APC: variants seen among roughly 807,000 people sequenced by gnomAD.
APC encodes APC regulator of Wnt signaling pathway.
APC carries 72 observed loss-of-function variants against 247.0 expected under a neutral mutation model. That is an observed-to-expected ratio of 0.29 (90% confidence interval 0.24 to 0.35). The LOEUF (loss-of-function observed/expected upper bound fraction) is 0.35. APC is among the 10% of genes least tolerant of loss of function. The probability of loss-of-function intolerance (pLI) is 1.00; values close to 1 mark genes in which losing one functional copy is unlikely to be tolerated. For missense variants in APC, 3,400 were observed against 3,360.7 expected, an observed-to-expected ratio of 1.01 and a Z score of -0.29; for synonymous variants, 1,254 against 1,162.5, an observed-to-expected ratio of 1.08 and a Z score of -1.60.
At chr5:112,708,058 G>A (rs1165010071) in intron 1 of APC, among the ~76,000 whole-genome samples, 1 of 152,164 alleles carries the variant, frequency 6.6e-6, no homozygotes, top group Non-Finnish European at 1.5e-5. Context: ...CCCTGGCTTT[G>A]CAGGTCCTCC....
At chr5:112,792,811 C>G (rs1374728490) in intron 7 of APC, among the ~76,000 whole-genome samples, 8 of 152,056 alleles carry the variant, frequency 5.3e-5, no homozygotes. Context: ...TGGCTACTAT[C>G]CAGTAAGTAA....
intron 4 of APC, among the ~76,000 whole-genome samples, chr5:112,770,406 T>G (rs1756903845): frequency 6.6e-6 from 1 of 152,206 alleles, no homozygotes; most frequent in African/African-American, 2.4e-5. Context: ...ACATTTCTTT[T>G]TAAAAATATT....
At chr5:112,827,365 T>C in intron 12 of APC, 118 bp downstream of exon 12, 1 of 1,153,438 alleles carries the variant, frequency 8.7e-7, no homozygotes. Context: ...CAATGACTGA[T>C]AAAAACCTGT....
chr5:112,723,569 GA>G (rs1343268394), intron 1 of APC, among the ~76,000 whole-genome samples: 1 of 152,138 alleles, frequency 6.6e-6, no homozygotes, highest in African/African-American at 2.4e-5. Context: ...TGTGGGAGGG[GA>G]AAACATGAAG....
intron 1 of APC, among the ~76,000 whole-genome samples, chr5:112,715,838 A>G (rs1345609303): frequency 6.6e-6 from 1 of 152,160 alleles, no homozygotes; most frequent in Non-Finnish European, 1.5e-5. Context: ...AGCCTATTCA[A>G]GTATTCTATC....
At chr5:112,736,314 A>G (rs540793724), upstream of APC, among the ~76,000 whole-genome samples, 5 of 152,364 alleles carry the variant, frequency 3.3e-5, no homozygotes, top group South Asian at 6.2e-4. Context: ...GAACAGTAGT[A>G]TGCCATCAGT....
chr5:112,709,835 G>A (rs6895054), intron 1 of APC, among the ~76,000 whole-genome samples: 3,497 of 152,308 alleles, frequency 0.023, 137 homozygotes, highest in African/African-American at 0.08. Context: ...AGCCCGGGAT[G>A]TGGAGGTTGC....
rs6881681 is a variant in APC, at chr5:112,719,947, G to A, written c.165+12065G>A. 2.2e-3 allele frequency among the ~76,000 whole-genome samples: 332 copies of A among 152,146 alleles called. 3 individuals carry two copies. The highest frequency in any genetic ancestry group is 7.4e-3 in the African/African-American group (308 of 41,512). ...TTTTTACATCTCAAGGACAAAATACGATTTCAAAAATCTTACCCACATCTA... is the reference window on the plus strand; with the variant it reads ...TTTTTACATCTCAAGGACAAAATACAATTTCAAAAATCTTACCCACATCTA... On this transcript the variant is annotated intron_variant, in intron 1 of 13. Coordinates refer to the APC transcript ENST00000507379.
intron 7 of APC, among the ~76,000 whole-genome samples, chr5:112,801,032 T>G (rs1760756498): frequency 6.6e-6 from 1 of 152,194 alleles, no homozygotes; most frequent in South Asian, 2.1e-4. Flanking sequence ...GGCATTCCTG[T>G]GAGTCTCAGA....
Position 112,845,746 on chromosome 5 carries a change from A to G in APC, c.*1620A>G, listed in dbSNP as rs2150012858. On this transcript the variant is annotated 3_prime_UTR_variant, in exon 16 of 16. Coordinates refer to ENST00000257430, the MANE Select transcript of APC (RefSeq NM_000038.6). The stretch of plus-strand genomic sequence containing the variant: ...TAAACTGACACTTATTAACTAAGAT[A>G]ATTTACTTAATATATCTTCCCTGAT... 4.3e-6 allele frequency: 1 copy of G among 232,148 alleles called. No homozygotes were observed. Among genetic ancestry groups the G allele is most frequent in the South Asian group, 1.8e-4 (1 of 5,514 alleles). 14.4% of individuals were successfully genotyped at this position (232,148 alleles called of 1,614,324 possible).
intron 4 of APC, among the ~76,000 whole-genome samples, chr5:112,772,743 C>T (rs1209657395): frequency 6.6e-6 from 1 of 152,160 alleles, no homozygotes; most frequent in African/African-American, 2.4e-5. Context: ...TCTCGAACTC[C>T]TGACTTCAAG....
intron 8 of APC, among the ~76,000 whole-genome samples, chr5:112,811,564 A>G (rs1051793868): frequency 1.3e-5 from 2 of 152,200 alleles, no homozygotes; most frequent in Admixed American, 1.3e-4. Flanking sequence ...TTCTACTGAG[A>G]CAGATTGGTG....
chr5:112,836,220 G>A (rs1466427619), intron 15 of APC, among the ~76,000 whole-genome samples: 6 of 138,850 alleles, frequency 4.3e-5, no homozygotes, highest in South Asian at 4.6e-4. Flanking sequence ...TAGTAGAGAC[G>A]GGGCTTCACC....
intron 1 of APC, among the ~76,000 whole-genome samples, chr5:112,711,165 C>A (rs1451710212): frequency 6.6e-6 from 1 of 152,204 alleles, no homozygotes; most frequent in East Asian, 1.9e-4. Flanking sequence ...CAAGCATTAC[C>A]ACCTGAGCTC....
chr5:112,758,865 A>G (rs1755310587), intron 2 of APC, among the ~76,000 whole-genome samples: 1 of 152,198 alleles, frequency 6.6e-6, no homozygotes, highest in South Asian at 2.1e-4. Context: ...GGCCTCTCAA[A>G]GTACTGGAAT....
chr5:112,719,109 T>C (rs1751340765), intron 1 of APC, among the ~76,000 whole-genome samples: 1 of 152,222 alleles, frequency 6.6e-6, no homozygotes, highest in Admixed American at 6.5e-5. Flanking sequence ...GAAGTGGGAC[T>C]GTATGGAGGA....
chr5:112,758,256 GTA>G, intron 2 of APC, among the ~76,000 whole-genome samples: 2 of 152,282 alleles, frequency 1.3e-5, no homozygotes, highest in African/African-American at 4.8e-5. Context: ...AAAAAGTTGT[GTA>G]GTGTATTTTT....
intron 2 of APC, among the ~76,000 whole-genome samples, chr5:112,757,904 A>G (rs1034275961): frequency 2.6e-5 from 4 of 152,212 alleles, no homozygotes; most frequent in Non-Finnish European, 4.4e-5. Context: ...TTTATTTTTA[A>G]GTATAATGAT....
chr5:112,823,333 T>C (rs1448755092), intron 11 of APC: 1 of 152,658 alleles, frequency 6.6e-6, no homozygotes, highest in Admixed American at 6.5e-5. Context: ...GGGCATTTCA[T>C]CACAGGAGCT....
Sources: allele counts gnomAD v4.1 joint callset (sites outside exome capture counted in the v4.1 genomes callset), GRCh38; gene constraint gnomAD v4.1.1; transcripts MANE v1.5; gene names NCBI Gene and HGNC (gene_info 2026-07-23, HGNC 2026-07-21).